Variants in PTPRT observed in about 807,000 individuals in gnomAD.
PTPRT encodes protein tyrosine phosphatase receptor type T.
A neutral mutation model predicts 176.8 loss-of-function variants in PTPRT; 56 were observed. The observed-to-expected ratio is 0.32, with a 90% CI of 0.26 to 0.40. PTPRT has a LOEUF of 0.40. PTPRT is among the 10% of genes least tolerant of loss of function. The probability of loss-of-function intolerance (pLI) is 1.00; values close to 1 mark genes in which losing one functional copy is unlikely to be tolerated. For missense variants in PTPRT, 1,540 were observed against 1,908.2 expected, an observed-to-expected ratio of 0.81 and a Z score of 3.60; for synonymous variants, 783 against 739.0, an observed-to-expected ratio of 1.06 and a Z score of -0.96.
chr20:42,632,309 G>T (rs1047470308), intron 7 of PTPRT, among the ~76,000 whole-genome samples: 1 of 152,130 alleles, frequency 6.6e-6, no homozygotes, highest in Admixed American at 6.5e-5. Context: ...TGCGATCTTG[G>T]CTCACTGCAA....
At chr20:42,349,881 A>G (rs1600870949) in intron 11 of PTPRT, among the ~76,000 whole-genome samples, 1 of 152,324 alleles carries the variant, frequency 6.6e-6, no homozygotes, top group East Asian at 1.9e-4. Flanking sequence ...CAGTTTAACT[A>G]TGGAGATGCG....
At chr20:43,149,615 T>G (rs2014278557) in intron 1 of PTPRT, among the ~76,000 whole-genome samples, 1 of 152,208 alleles carries the variant, frequency 6.6e-6, no homozygotes, top group African/African-American at 2.4e-5. Flanking sequence ...TTTCATGAAG[T>G]GGAGGTAATT....
At chr20:42,400,353 A>G (rs1427360345) in intron 9 of PTPRT, among the ~76,000 whole-genome samples, 2 of 152,080 alleles carry the variant, frequency 1.3e-5, no homozygotes, top group East Asian at 1.9e-4. Context: ...TTAAGAAGCC[A>G]TATTTTGCTA....
chr20:43,040,380 A>G (rs1402667194), intron 1 of PTPRT, among the ~76,000 whole-genome samples: 1 of 152,244 alleles, frequency 6.6e-6, no homozygotes, highest in African/African-American at 2.4e-5. Flanking sequence ...CACAGCCAAT[A>G]TGGTTGCCAA....
chr20:43,105,629 A>G (rs1401712848), intron 1 of PTPRT, among the ~76,000 whole-genome samples: 1 of 152,072 alleles, frequency 6.6e-6, no homozygotes, highest in Non-Finnish European at 1.5e-5. Context: ...CAAATTCCTG[A>G]GCTCAGGTAA....
chr20:42,139,462 G>A (rs1988524199), intron 18 of PTPRT, among the ~76,000 whole-genome samples: 1 of 152,204 alleles, frequency 6.6e-6, no homozygotes, highest in Non-Finnish European at 1.5e-5. Context: ...AGCTTATTAA[G>A]GGTGAGTTTT....
At position 43,069,663 on chromosome 20, in the gene PTPRT, G is replaced by T. The variant is rs376921540; in HGVS notation, c.88+119983C>A. The stretch of plus-strand genomic sequence containing the variant: ...GCGTTGCTTGACAAGAAGCGGTGAG[G>T]TATCTTTTAGCAAAGGCAAGTTTAT... On this transcript the variant is annotated intron_variant, in intron 1 of 30. Transcript: ENST00000373187. 5.9e-5 allele frequency among the ~76,000 whole-genome samples: 9 copies of T among 152,246 alleles called. No individual in the cohort carries two copies. The East Asian group carries it at 1.4e-3, about 23-fold the overall frequency.
intron 7 of PTPRT, among the ~76,000 whole-genome samples, chr20:42,649,443 G>C (rs2074988223): frequency 6.6e-6 from 1 of 152,090 alleles, no homozygotes; most frequent in African/African-American, 2.4e-5. Context: ...ATGCCTTGAT[G>C]GCCATGCAGA....
intron 1 of PTPRT, among the ~76,000 whole-genome samples, chr20:43,068,530 T>C (rs1214537894): frequency 1.5e-5 from 2 of 131,826 alleles, no homozygotes; most frequent in East Asian, 2.2e-4. Context: ...AAAAAGCCAA[T>C]TAGGGAAGGG....
At chr20:42,136,232 CTTTTTTTT>C (rs397864699) in intron 18 of PTPRT, among the ~76,000 whole-genome samples, 2 of 63,036 alleles carry the variant, frequency 3.2e-5, no homozygotes, top group Admixed American at 2.5e-4. Context: ...AAGAACAGTG[CTTTTTTTT>C]TTTTTTTTTT....
intron 1 of PTPRT, among the ~76,000 whole-genome samples, chr20:42,921,322 C>CA (rs1428977577): frequency 6.6e-6 from 1 of 152,184 alleles, no homozygotes. Context: ...GAGTCCAAGA[C>CA]AAGCCTGGGC....
At chr20:43,001,561 C>G (rs1479792135) in intron 1 of PTPRT, among the ~76,000 whole-genome samples, 1 of 151,684 alleles carries the variant, frequency 6.6e-6, no homozygotes, top group African/African-American at 2.4e-5. Flanking sequence ...GTAAGACATT[C>G]TTAAAATGAA....
rs1339720719 is a variant in PTPRT at position 42,159,187 on chromosome 20, T to C, written c.2682+2165A>G. ...AAATTGTTATGACTAATGTTGAATATACCATTTCCTTTCTTTCTTTTTTTT... is the reference window on the plus strand; with the variant it reads ...AAATTGTTATGACTAATGTTGAATACACCATTTCCTTTCTTTCTTTTTTTT... On this transcript the variant is annotated intron_variant, in intron 17 of 30. Coordinates refer to ENST00000373187, the MANE Select transcript of PTPRT (RefSeq NM_007050.6). Among the ~76,000 whole-genome samples the C allele has an allele frequency of 3.3e-5, 5 of 151,622 alleles. No individual in the cohort carries two copies. The East Asian group carries it at 9.7e-4, about 29-fold the overall frequency.
chr20:42,422,882 A>C (rs1568865292), intron 9 of PTPRT, among the ~76,000 whole-genome samples: 1 of 152,188 alleles, frequency 6.6e-6, no homozygotes, highest in Admixed American at 6.5e-5. Context: ...GAATGAGATC[A>C]TGTTCTTTGT....
chr20:42,418,327 C>T (rs2059085271), intron 9 of PTPRT, among the ~76,000 whole-genome samples: 1 of 152,048 alleles, frequency 6.6e-6, no homozygotes, highest in Admixed American at 6.5e-5. Flanking sequence ...ATGTGACTCA[C>T]ATAATGTTTC....
downstream of PTPRT, among the ~76,000 whole-genome samples, chr20:42,070,577 G>T (rs1025491112): frequency 3.9e-5 from 6 of 152,094 alleles, no homozygotes; most frequent in South Asian, 4.2e-4. Flanking sequence ...TGTCAAGGAA[G>T]ATAAGAGATA....
chr20:43,024,324 C>T (rs1232428782), intron 1 of PTPRT, among the ~76,000 whole-genome samples: 1 of 151,972 alleles, frequency 6.6e-6, no homozygotes, highest in African/African-American at 2.4e-5. Flanking sequence ...AGTGTTACTA[C>T]TAATGCAAGA....
At chr20:42,766,995 C>T (rs947653767) in intron 5 of PTPRT, among the ~76,000 whole-genome samples, 6 of 152,180 alleles carry the variant, frequency 3.9e-5, no homozygotes, top group African/African-American at 1.4e-4. Context: ...TTATATGAGG[C>T]AGAACAACAG....
At chr20:42,206,435 C>T (rs1022034458) in intron 15 of PTPRT, among the ~76,000 whole-genome samples, 3 of 152,164 alleles carry the variant, frequency 2.0e-5, no homozygotes, top group East Asian at 1.9e-4. Flanking sequence ...GCACCATGCG[C>T]GAGCCGAAGC....
Sources: gnomAD v4.1 joint callset for allele counts (sites outside exome capture counted in the v4.1 genomes callset) on GRCh38, gnomAD v4.1.1 for gene constraint, MANE v1.5 for transcripts, NCBI Gene and HGNC (gene_info 2026-07-23, HGNC 2026-07-21) for gene names.